Variants in ARHGAP15 observed in about 807,000 individuals in gnomAD.
The protein encoded by ARHGAP15 is Rho GTPase activating protein 15.
ARHGAP15 carries 51 observed loss-of-function variants against 63.7 expected under a neutral mutation model. The ratio of observed to expected loss-of-function variants is 0.80; its 90% CI spans 0.64 to 1.01. The LOEUF (loss-of-function observed/expected upper bound fraction) is 1.01, where lower values mean the gene tolerates loss of function less well. Ranked by LOEUF, ARHGAP15 falls within the 50% of genes least tolerant of loss-of-function variation. ARHGAP15 has a pLI of 0.00. For synonymous variants in ARHGAP15, 191 were observed against 193.8 expected (o/e 0.99, Z 0.12); for missense variants, 560 against 564.6 (o/e 0.99, Z 0.08).
chr2:143,448,222 T>C (rs1286675062), intron 8 of ARHGAP15, among the ~76,000 whole-genome samples: 2 of 152,036 alleles, frequency 1.3e-5, no homozygotes, highest in Non-Finnish European at 2.9e-5. Flanking sequence ...GGGCAACAAC[T>C]GGAGATCAGG....
intron 10 of ARHGAP15, among the ~76,000 whole-genome samples, chr2:143,542,352 C>T (rs995502948): frequency 3.3e-5 from 5 of 152,032 alleles, no homozygotes; most frequent in East Asian, 1.9e-4. Flanking sequence ...CGCCCTGCTT[C>T]GGCTCATGCA....
At chr2:143,313,648 C>T (rs774964872) in intron 6 of ARHGAP15, among the ~76,000 whole-genome samples, 18 of 152,086 alleles carry the variant, frequency 1.2e-4, no homozygotes, top group Admixed American at 3.3e-4. Context: ...TGTAACATAA[C>T]GACAGATGCT....
At chr2:143,713,664 G>C (rs1684683027) in intron 13 of ARHGAP15, among the ~76,000 whole-genome samples, 1 of 151,406 alleles carries the variant, frequency 6.6e-6, no homozygotes, top group South Asian at 2.1e-4. Flanking sequence ...ATACAAAGAG[G>C]GTACAGGTAT....
At chr2:143,310,521 C>A (rs896757613) in intron 6 of ARHGAP15, among the ~76,000 whole-genome samples, 2 of 151,922 alleles carry the variant, frequency 1.3e-5, no homozygotes, top group Non-Finnish European at 2.9e-5. Context: ...ATCGCTATTA[C>A]ATTTCTTATC....
intron 3 of ARHGAP15, among the ~76,000 whole-genome samples, chr2:143,206,159 C>G (rs1370893994): frequency 1.3e-5 from 2 of 152,048 alleles, no homozygotes; most frequent in African/African-American, 2.4e-5. Context: ...AGCACATGTT[C>G]ATGTGTTGTT....
intron 12 of ARHGAP15, among the ~76,000 whole-genome samples, chr2:143,693,691 A>G (rs1337897739): frequency 6.6e-6 from 1 of 152,200 alleles, no homozygotes; most frequent in Non-Finnish European, 1.5e-5. Flanking sequence ...TTTCTTCCAT[A>G]CTACGTATTA....
chr2:143,254,673 AC>A (rs1181834728), intron 6 of ARHGAP15, among the ~76,000 whole-genome samples: 2 of 152,166 alleles, frequency 1.3e-5, no homozygotes, highest in East Asian at 3.9e-4. Flanking sequence ...TAAATTTAGT[AC>A]TTAAATATCC....
At chr2:143,762,675 G>T (rs955139129) in intron 13 of ARHGAP15, among the ~76,000 whole-genome samples, 3 of 152,000 alleles carry the variant, frequency 2.0e-5, no homozygotes, top group African/African-American at 7.2e-5. Context: ...GTAATTTAGG[G>T]AGGACACAAG....
chr2:143,747,269 G>A (rs992729674), intron 13 of ARHGAP15, among the ~76,000 whole-genome samples: 34 of 151,744 alleles, frequency 2.2e-4, no homozygotes, highest in African/African-American at 6.8e-4. Context: ...AAAAAAGATC[G>A]GAGACTTCCC....
chr2:143,176,531 C>G (rs534746144), intron 2 of ARHGAP15, among the ~76,000 whole-genome samples: 1 of 151,888 alleles, frequency 6.6e-6, no homozygotes, highest in Non-Finnish European at 1.5e-5. Flanking sequence ...CTTTTGTCTT[C>G]TCTGTCATTT....
intron 8 of ARHGAP15, among the ~76,000 whole-genome samples, chr2:143,453,799 GAA>G (rs34233596): frequency 5.7e-5 from 8 of 140,358 alleles, no homozygotes; most frequent in East Asian, 4.0e-4. Flanking sequence ...TATCCAATCG[GAA>G]AAAAAAAAAA....
intron 9 of ARHGAP15, among the ~76,000 whole-genome samples, chr2:143,505,153 C>G (rs951396637): frequency 6.6e-6 from 1 of 152,196 alleles, no homozygotes; most frequent in Non-Finnish European, 1.5e-5. Context: ...ATTCTCCTGA[C>G]TGTGTTTTAC....
chr2:143,663,670 C>T (rs1401880687), intron 12 of ARHGAP15, among the ~76,000 whole-genome samples: 2 of 152,028 alleles, frequency 1.3e-5, no homozygotes, highest in Non-Finnish European at 2.9e-5. Context: ...TCAGGAAACC[C>T]ATCTCATGTG....
intron 6 of ARHGAP15, among the ~76,000 whole-genome samples, chr2:143,265,120 GA>G (rs1012281919): frequency 1.3e-5 from 2 of 151,948 alleles, no homozygotes; most frequent in African/African-American, 2.4e-5. Context: ...AGTTACAAGG[GA>G]AAAAAATGTC....
At chr2:143,592,882 GGAA>G (rs1437889238) in intron 11 of ARHGAP15, among the ~76,000 whole-genome samples, 1 of 152,108 alleles carries the variant, frequency 6.6e-6, no homozygotes, top group Non-Finnish European at 1.5e-5. Context: ...CCATTCGAAG[GGAA>G]TTGCCTTTGG....
chr2:143,576,894 A>G (rs1257067997), intron 11 of ARHGAP15, among the ~76,000 whole-genome samples: 1 of 152,180 alleles, frequency 6.6e-6, no homozygotes, highest in African/African-American at 2.4e-5. Flanking sequence ...GTAATCCTCC[A>G]TTGAAGAAAT....
chr2:143,555,464 A>T (rs1695744119), intron 10 of ARHGAP15, among the ~76,000 whole-genome samples: 1 of 152,274 alleles, frequency 6.6e-6, no homozygotes, highest in East Asian at 1.9e-4. Flanking sequence ...CATTCTTGAC[A>T]TTAAAATTAT....
chr2:143,370,516 A>G (rs1459098709), intron 6 of ARHGAP15, among the ~76,000 whole-genome samples: 1 of 89,010 alleles, frequency 1.1e-5, no homozygotes, highest in Admixed American at 1.2e-4. Flanking sequence ...AAGTAGTACT[A>G]TTGTATCAAG....
At chr2:143,396,191 A>G (rs1037633116) in intron 6 of ARHGAP15, among the ~76,000 whole-genome samples, 9 of 152,096 alleles carry the variant, frequency 5.9e-5, no homozygotes, top group African/African-American at 2.2e-4. Context: ...CTGTGTTTTT[A>G]GTTTTTTTTC....
Sources: allele counts gnomAD v4.1 joint callset (sites outside exome capture counted in the v4.1 genomes callset), GRCh38; gene constraint gnomAD v4.1.1; transcripts MANE v1.5; gene names NCBI Gene and HGNC (gene_info 2026-07-23, HGNC 2026-07-21).